The following PCBP3 variants were observed in gnomAD, a reference collection of about 807,000 sequenced individuals.
PCBP3 encodes poly(rC) binding protein 3.
A neutral mutation model predicts 52.7 loss-of-function variants in PCBP3; 25 were observed. That is an observed-to-expected ratio of 0.47 (90% CI 0.35 to 0.66). The LOEUF is 0.66. PCBP3 is among the 30% of genes least tolerant of loss of function. PCBP3 has a pLI of 0.01. For missense variants in PCBP3, 391 were observed against 490.3 expected, an observed-to-expected ratio of 0.80 and a Z score of 1.91; for synonymous variants, 162 against 183.0, an observed-to-expected ratio of 0.89 and a Z score of 0.93.
intron 4 of PCBP3, among the ~76,000 whole-genome samples, chr21:45,801,413 C>T (rs2092299523): frequency 6.6e-6 from 1 of 152,244 alleles, no homozygotes; most frequent in African/African-American, 2.4e-5. Context: ...CAAGGAGCTG[C>T]AGAGGAGCAG....
intron 2 of PCBP3, among the ~76,000 whole-genome samples, chr21:45,703,377 C>T (rs1440317704): frequency 6.6e-6 from 1 of 152,252 alleles, no homozygotes; most frequent in East Asian, 1.9e-4. Flanking sequence ...CAAAATTACT[C>T]CTTGACCCGT....
At chr21:45,664,166 A>G in intron 1 of PCBP3, among the ~76,000 whole-genome samples, 1 of 143,928 alleles carries the variant, frequency 6.9e-6, no homozygotes, top group Non-Finnish European at 1.5e-5. Context: ...AACTAAAAAT[A>G]AAGATAAAAT....
intron 1 of PCBP3, among the ~76,000 whole-genome samples, chr21:45,662,787 C>T (rs1387388321): frequency 6.6e-6 from 1 of 152,078 alleles, no homozygotes; most frequent in African/African-American, 2.4e-5. Context: ...TGGACAGGGC[C>T]ATTAGAGGGC....
At chr21:45,863,075 C>T (rs752029273) in intron 5 of PCBP3, among the ~76,000 whole-genome samples, 6 of 152,164 alleles carry the variant, frequency 3.9e-5, no homozygotes, top group Admixed American at 6.5e-5. Flanking sequence ...GGCTGCAGCT[C>T]GTCCACTCAG....
rs61151390 is a variant in PCBP3, at chr21:45,860,299, A to G, written c.10+10204A>G. Among the ~76,000 whole-genome samples the G allele has an allele frequency of 5.2e-3, 785 of 152,322 alleles. 7 individuals are homozygous for G. Among genetic ancestry groups the G allele is most frequent in the African/African-American group, 0.017 (703 of 41,570 alleles). ...GAATGAAGCAGCTGTATTCACATAC[A>G]TGTAGTAAATGTGAAATTTTCACAG... On this transcript the variant is annotated intron_variant, in intron 5 of 17. Transcript: ENST00000681687.
intron 5 of PCBP3, 39 bp downstream of exon 5, chr21:45,850,134 C>G (rs1267429702): frequency 4.6e-6 from 7 of 1,523,168 alleles, no homozygotes; most frequent in Non-Finnish European, 5.4e-6. Context: ...TGTTTGTTTA[C>G]CAAGAGTGTA....
chr21:45,685,116 CAA>C (rs1393664314), intron 2 of PCBP3, among the ~76,000 whole-genome samples: 2 of 152,010 alleles, frequency 1.3e-5, no homozygotes, highest in Non-Finnish European at 2.9e-5. Context: ...CCTTTAAAAA[CAA>C]AGAGAGGTGA....
At chr21:45,940,766 GCCGTACCACCAGCCCCGCCAGGCACA>G (rs1207710622) in intron 17 of PCBP3, among the ~76,000 whole-genome samples, 2 of 63,414 alleles carry the variant, frequency 3.2e-5, no homozygotes, top group African/African-American at 1.5e-4. Context: ...CGCCAGGCAT[GCCGTACCACCAGCCCCGCCAGGCACA>G]CTGTACCACC....
chr21:45,761,977 A>AGGCTC (rs1451398919), intron 4 of PCBP3: 2 of 152,270 alleles, frequency 1.3e-5, no homozygotes, highest in Non-Finnish European at 2.9e-5. Flanking sequence ...TTCCTGACAC[A>AGGCTC]GGCTCGTGCA....
At chr21:45,793,684 C>A (rs1001460535) in intron 4 of PCBP3, among the ~76,000 whole-genome samples, 1 of 152,130 alleles carries the variant, frequency 6.6e-6, no homozygotes, top group Non-Finnish European at 1.5e-5. Context: ...CAGGAGGAGA[C>A]GGGAGGCGAT....
intron 3 of PCBP3, chr21:45,747,969 G>A (rs1285611148): frequency 1.3e-5 from 2 of 152,244 alleles, no homozygotes; most frequent in African/African-American, 4.8e-5. Context: ...ACGGAGGGAT[G>A]ATCATTTTTC....
intron 4 of PCBP3, among the ~76,000 whole-genome samples, chr21:45,797,569 A>G (rs1291630055): frequency 3.6e-3 from 1 of 280 alleles, no homozygotes; most frequent in African/African-American, 0.013. Context: ...GGATCCATAG[A>G]GAGAGTGATT....
rs2094148865 is a variant in PCBP3 at position 45,853,830 on chromosome 21, G to A, written c.10+3735G>A. ...AGTCAGGCACTCGGTGTTTTAGAAT[G>A]GGCTCCTGCGTGGTGGCAGTGGCAG... On this transcript the variant is annotated intron_variant, in intron 5 of 17. Transcript: ENST00000681687. The surrounding 1 kb of genome is among the most constrained non-coding windows in gnomAD (Gnocchi z 4.6). 1 of 152,320 alleles carries A rather than the reference G, an allele frequency of 6.6e-6. No individual in the cohort carries two copies. Among genetic ancestry groups the A allele is most frequent in the South Asian group, 2.1e-4 (1 of 4,824 alleles). The allele number at this position is 152,320 out of a possible 1,614,324, so 9.4% of individuals were successfully genotyped here. A position where few individuals can be genotyped will look rare whatever the true frequency, so the allele number is the denominator to read the frequency against.
At chr21:45,903,530 C>T (rs1223922608) in intron 9 of PCBP3, among the ~76,000 whole-genome samples, 3 of 151,894 alleles carry the variant, frequency 2.0e-5, no homozygotes, top group Non-Finnish European at 4.4e-5. Context: ...GGCGGTGTGT[C>T]CAGTGGTCAG....
chr21:45,726,143 G>A (rs1343603383), intron 2 of PCBP3, among the ~76,000 whole-genome samples: 1 of 152,100 alleles, frequency 6.6e-6, no homozygotes, highest in Non-Finnish European at 1.5e-5. Context: ...CTGACTCCGA[G>A]GGGCCTGAGC....
intron 4 of PCBP3, among the ~76,000 whole-genome samples, chr21:45,776,526 G>C (rs1458578111): frequency 6.7e-6 from 1 of 149,540 alleles, no homozygotes; most frequent in Non-Finnish European, 1.5e-5. Context: ...AGTAATGTTT[G>C]CTTTATGAAT....
chr21:45,874,974 A>G (rs1380652531), intron 5 of PCBP3, among the ~76,000 whole-genome samples: 1 of 152,166 alleles, frequency 6.6e-6, no homozygotes, highest in Non-Finnish European at 1.5e-5. Flanking sequence ...GGAGTGCTGC[A>G]GGAGTGCCTG....
At chr21:45,927,234 A>G (rs1245565310) in intron 13 of PCBP3, among the ~76,000 whole-genome samples, 1 of 76,236 alleles carries the variant, frequency 1.3e-5, no homozygotes, top group African/African-American at 4.6e-5. Context: ...ACAGAGAAAC[A>G]TCAGTAATGG....
chr21:45,880,211 C>T lies in PCBP3; in HGVS notation c.11-15997C>T, dbSNP rs771209691. 3.3e-5 allele frequency among the ~76,000 whole-genome samples: 5 copies of T among 152,214 alleles called. No homozygotes were observed. The South Asian group carries it at 6.2e-4, about 19-fold the overall frequency. ...GGATTTGCAAGTCACGGCCAGCCTT[C>T]GAAAGCAGGACTGTTGCCTGGTTCC... On this transcript the variant is annotated intron_variant, in intron 5 of 17. Transcript: ENST00000681687. This position sits in a 1 kb window ranked among gnomAD's most constrained non-coding sequence, Gnocchi z 5.4.
Sources: gnomAD v4.1 joint callset for allele counts (sites outside exome capture counted in the v4.1 genomes callset) on GRCh38, gnomAD v4.1.1 for gene constraint, Gnocchi (gnomAD v3.1) non-coding constraint, MANE v1.5 for transcripts, NCBI Gene and HGNC (gene_info 2026-07-23, HGNC 2026-07-21) for gene names.